TBX20: variants seen among roughly 807,000 people sequenced by gnomAD.
TBX20 encodes the protein T-box transcription factor TBX20.
A neutral mutation model predicts 42.9 loss-of-function variants in TBX20; 8 were observed. The observed-to-expected ratio is 0.19, with a 90% CI of 0.11 to 0.34. TBX20 has a LOEUF of 0.34. Among genes scored for constraint, TBX20 ranks in the 10% least tolerant of loss-of-function variants. The probability of loss-of-function intolerance (pLI) is 1.00; values close to 1 mark genes in which losing one functional copy is unlikely to be tolerated. For synonymous variants in TBX20, 198 were observed against 222.8 expected (o/e 0.89, Z 0.99); for missense variants, 411 against 566.0 (o/e 0.73, Z 2.78).
At chr7:35,224,310 T>C (rs887253545) in intron 6 of TBX20, among the ~76,000 whole-genome samples, 45 of 152,340 alleles carry the variant, frequency 3.0e-4, no homozygotes, top group African/African-American at 1.0e-3. Context: ...TGTTTCAAGA[T>C]TGATACAAAA....
intron 6 of TBX20, among the ~76,000 whole-genome samples, chr7:35,227,576 T>A (rs760321142): frequency 5.3e-5 from 8 of 152,172 alleles, no homozygotes; most frequent in Admixed American, 3.3e-4. Context: ...CTAGGATCAA[T>A]AGGCCATACC....
chr7:35,238,878 A>G lies in TBX20; in HGVS notation c.813+2001T>C, dbSNP rs571774535. ...ACGCATTAATTTCTCTATCTCATTAATACACCACTAAAATTTTAAAATACA... is the reference window on the plus strand; with the variant it reads ...ACGCATTAATTTCTCTATCTCATTAGTACACCACTAAAATTTTAAAATACA... On this transcript the variant is annotated intron_variant, in intron 5 of 7. Coordinates refer to ENST00000408931, the MANE Select transcript of TBX20 (RefSeq NM_001077653.2). 3.3e-5 allele frequency among the ~76,000 whole-genome samples: 5 copies of G among 151,002 alleles called. No homozygotes were observed. In the East Asian group the frequency reaches 9.7e-4, roughly 29 times the overall value.
chr7:35,231,307 T>C (rs1452293311), intron 6 of TBX20, among the ~76,000 whole-genome samples, 197 bp downstream of exon 6: 5 of 152,172 alleles, frequency 3.3e-5, no homozygotes. Flanking sequence ...CACTCAGAAA[T>C]TAAGCATATA....
chr7:35,215,526 A>G (rs2128711278), intron 6 of TBX20, among the ~76,000 whole-genome samples: 1 of 152,324 alleles, frequency 6.6e-6, no homozygotes, highest in Middle Eastern at 3.4e-3. Context: ...ACAAGCTAAG[A>G]CACTATCTTG....
intron 3 of TBX20, among the ~76,000 whole-genome samples, chr7:35,245,476 T>C (rs1790166028): frequency 6.6e-6 from 1 of 152,160 alleles, no homozygotes; most frequent in South Asian, 2.1e-4. Flanking sequence ...ATCTCTTAAA[T>C]AACAGTGAAA....
chr7:35,238,678 C>A (rs1790014317), intron 5 of TBX20, among the ~76,000 whole-genome samples: 1 of 152,192 alleles, frequency 6.6e-6, no homozygotes, highest in Non-Finnish European at 1.5e-5. Flanking sequence ...TTTCAGTGTT[C>A]CAGATTCGCA....
At chr7:35,232,955 G>A (rs1789895607) in intron 5 of TBX20, among the ~76,000 whole-genome samples, 1 of 152,206 alleles carries the variant, frequency 6.6e-6, no homozygotes, top group African/African-American at 2.4e-5. Context: ...GGGAGGCAGA[G>A]GTTGCAGTGA....
Position 35,253,629 on chromosome 7 carries a change from G to T in TBX20, c.-9C>A. The T allele has an allele frequency of 6.2e-7, 1 of 1,611,132 alleles. No individual in the cohort carries two copies. ...GACGCCGTGAACTCCATGGTCCCCA[G>T]CACGCGGTCCTGGCCAGGGACGGGG... On this transcript the variant is annotated 5_prime_UTR_variant, in exon 1 of 8. In the 5' UTR this introduces an upstream ATG that the reference lacks. Coordinates refer to ENST00000408931, the MANE Select transcript of TBX20 (RefSeq NM_001077653.2).
rs560431948 is a variant in TBX20, at chr7:35,241,862, A to G, written c.655-825T>C. On this transcript the variant is annotated intron_variant, in intron 4 of 7. Transcript: ENST00000408931. Reference sequence around the variant, plus strand: ...TTTAAATAAAATATAAAAGCTAGCCATTATGAATCAGGGCAATAAAATTCA... The same window carrying G: ...TTTAAATAAAATATAAAAGCTAGCCGTTATGAATCAGGGCAATAAAATTCA... Among the ~76,000 whole-genome samples the G allele has an allele frequency of 4.6e-5, 7 of 152,330 alleles. No homozygotes were observed. The East Asian group carries it at 1.3e-3, about 29-fold the overall frequency.
At chr7:35,223,329 CA>C (rs1262388775) in intron 6 of TBX20, among the ~76,000 whole-genome samples, 1 of 152,080 alleles carries the variant, frequency 6.6e-6, no homozygotes, top group Non-Finnish European at 1.5e-5. Context: ...AAGCAATAGC[CA>C]GTCAGATATT....
intron 6 of TBX20, among the ~76,000 whole-genome samples, chr7:35,208,262 T>C (rs1789433373): frequency 6.6e-6 from 1 of 152,244 alleles, no homozygotes; most frequent in South Asian, 2.1e-4. Flanking sequence ...ATATTGATCT[T>C]GTATTCTGTG....
chr7:35,231,470 C>G (rs746325981), intron 6 of TBX20, 34 bp downstream of exon 6: 37 of 1,493,456 alleles, frequency 2.5e-5, no homozygotes, highest in Non-Finnish European at 3.5e-5. Flanking sequence ...TTGATCTTAT[C>G]TGAACAAGAA....
chr7:35,224,626 C>T (rs1032284544), intron 6 of TBX20, among the ~76,000 whole-genome samples: 6 of 150,928 alleles, frequency 4.0e-5, no homozygotes, highest in East Asian at 2.0e-4. Context: ...GAGCTGAGAT[C>T]GCGCCACTGC....
intron 6 of TBX20, among the ~76,000 whole-genome samples, chr7:35,210,061 C>T (rs769223249): frequency 2.0e-5 from 3 of 151,154 alleles, no homozygotes; most frequent in South Asian, 2.1e-4. Context: ...ACTTCTTTTG[C>T]GTAGTGTATA....
At chr7:35,204,323 CG>C in intron 7 of TBX20, 146 bp downstream of exon 7, 2 of 706,062 alleles carry the variant, frequency 2.8e-6, no homozygotes, top group Non-Finnish European at 2.6e-6. Flanking sequence ...GGATCAGTGT[CG>C]GGGCTCTCCC....
chr7:35,240,957 G>T lies in TBX20; in HGVS notation c.735C>A (p.Asn245Lys), dbSNP rs145983037. 3 of 1,613,550 alleles carry T rather than the reference G, an allele frequency of 1.9e-6. No individual in the cohort carries two copies. In the African/African-American group the frequency reaches 4.0e-5, roughly 22 times the overall value. Reference protein sequence around the residue: ...KKKDHTASLLNLKSEEFRTFI... With the variant: ...KKKDHTASLLKLKSEEFRTFI... Reference sequence around the variant, plus strand: ...AAGTTCTAAATTCTTCAGACTTCAGGTTGAGCAATGAGGCTGTGTGGTCTT... The same window carrying T: ...AAGTTCTAAATTCTTCAGACTTCAGTTTGAGCAATGAGGCTGTGTGGTCTT... Residue 245 changes from asparagine to lysine, a missense_variant, in exon 5 of 8, where the codon AAC becomes AAA. Asn to Lys is a moderately conservative substitution (Grantham distance 94). Around this residue, in one of 5 missense-constraint regions of TBX20, gnomAD observed 121 missense variants for 165.9 expected, o/e 0.73. Coordinates refer to ENST00000408931, the MANE Select transcript of TBX20 (RefSeq NM_001077653.2).
intron 6 of TBX20, among the ~76,000 whole-genome samples, chr7:35,226,380 A>G (rs1789770609): frequency 6.7e-6 from 1 of 148,372 alleles, no homozygotes; most frequent in Non-Finnish European, 1.5e-5. Flanking sequence ...TTTACAGCTC[A>G]TTTAGAGAAC....
rs866752954 is a variant in TBX20, at chr7:35,218,909, T to C, written c.890+12595A>G. 7.2e-5 allele frequency among the ~76,000 whole-genome samples: 11 copies of C among 152,330 alleles called. No homozygotes were observed. The Middle Eastern group carries it at 0.014, about 188-fold the overall frequency. On this transcript the variant is annotated intron_variant, in intron 6 of 7. Transcript: ENST00000408931. ...AGCCTGAGGAAGCTTACTTGCCCTT[T>C]CCACCAAGAAGGCACCATTTATGAA... is the stretch of plus-strand genomic sequence containing the variant.
chr7:35,253,555 C>T lies in TBX20; in HGVS notation c.66G>A (p.Ala22=). 3 of 1,612,848 alleles carry T rather than the reference C, an allele frequency of 1.9e-6. No homozygotes were observed. The highest frequency in any genetic ancestry group is 2.5e-6 in the Non-Finnish European group (3 of 1,179,978). ...CCTTAGAGCCGCCGCTCGACATGAG[C>T]GCGGCAATGGAGAAGGCGTTGGCCC... ...SSRANAFSIA[A]LMSSGGSKEK... The change falls in exon 1 of 8, where the codon GCG becomes GCA. Residue 22 remains alanine, a synonymous_variant. Transcript: ENST00000408931.
Sources: gnomAD v4.1 joint callset for allele counts (sites outside exome capture counted in the v4.1 genomes callset) on GRCh38, gnomAD v4.1.1 for gene constraint, gnomAD v4.1.1 regional missense constraint, MANE v1.5 for transcripts, NCBI Gene and HGNC (gene_info 2026-07-23, HGNC 2026-07-21) for gene names.